Variants in MYO1D observed in about 807,000 individuals in gnomAD.
The protein encoded by MYO1D is unconventional myosin-Id.
In MYO1D, 83 loss-of-function variants were observed where a neutral mutation model predicts 122.0. The observed-to-expected ratio is 0.68, with a 90% CI of 0.57 to 0.82. The LOEUF (loss-of-function observed/expected upper bound fraction) is 0.82, where lower values mean the gene tolerates loss of function less well. Ranked by LOEUF, MYO1D falls within the 40% of genes least tolerant of loss-of-function variation. The pLI, the probability that MYO1D is intolerant of heterozygous loss-of-function variation, is 0.00. For missense variants in MYO1D, 1,157 were observed against 1,269.5 expected, an observed-to-expected ratio of 0.91 and a Z score of 1.35; for synonymous variants, 464 against 446.9, an observed-to-expected ratio of 1.04 and a Z score of -0.48.
At chr17:32,650,156 T>A (rs1017340458) in intron 19 of MYO1D, among the ~76,000 whole-genome samples, 1 of 152,204 alleles carries the variant, frequency 6.6e-6, no homozygotes, top group Non-Finnish European at 1.5e-5. Context: ...TCTGAAAAAG[T>A]CTTTATTTCA....
At chr17:32,851,199 C>T (rs989136832) in intron 1 of MYO1D, among the ~76,000 whole-genome samples, 2 of 152,130 alleles carry the variant, frequency 1.3e-5, no homozygotes, top group Non-Finnish European at 2.9e-5. Context: ...TCTCAGCCAA[C>T]ATCTTGCCTT....
chr17:32,804,882 A>G (rs1454695794), intron 1 of MYO1D, among the ~76,000 whole-genome samples: 3 of 152,082 alleles, frequency 2.0e-5, no homozygotes, highest in Non-Finnish European at 1.5e-5. Context: ...ATGCTATCAA[A>G]CTCACATGGT....
intron 21 of MYO1D, chr17:32,510,210 ATGCTGTT>A (rs1169663389): frequency 6.6e-6 from 1 of 152,218 alleles, no homozygotes; most frequent in African/African-American, 2.4e-5. Flanking sequence ...CCACCCTAAA[ATGCTGTT>A]CTAGCTCTTG....
chr17:32,689,070 C>T (rs77807645), intron 16 of MYO1D, among the ~76,000 whole-genome samples: 3,831 of 152,086 alleles, frequency 0.025, 129 homozygotes, highest in East Asian at 0.19. Context: ...ATATTATTCT[C>T]TTCTTTAAAT....
chr17:32,668,358 T>G (rs892401752), intron 16 of MYO1D, among the ~76,000 whole-genome samples: 5 of 152,230 alleles, frequency 3.3e-5, no homozygotes, highest in Non-Finnish European at 5.9e-5. Flanking sequence ...AGAGTACAGG[T>G]CAGGCTTTGA....
chr17:32,758,978 T>C (rs1254363033), intron 10 of MYO1D, among the ~76,000 whole-genome samples: 1 of 152,174 alleles, frequency 6.6e-6, no homozygotes, highest in Non-Finnish European at 1.5e-5. Context: ...ATATTCTGAT[T>C]GTGAAAGGAT....
intron 21 of MYO1D, among the ~76,000 whole-genome samples, chr17:32,601,777 C>A (rs1003306869): frequency 3.3e-5 from 5 of 152,132 alleles, no homozygotes; most frequent in Non-Finnish European, 7.4e-5. Context: ...TTTATAAAAA[C>A]CACAATATCT....
At chr17:32,498,375 C>T (rs1243317723) in intron 21 of MYO1D, 2 of 152,280 alleles carry the variant, frequency 1.3e-5, no homozygotes, top group Non-Finnish European at 2.9e-5. Context: ...AAGAGCCGGG[C>T]CTACGGGTGG....
chr17:32,669,972 C>A (rs549608667), intron 16 of MYO1D, among the ~76,000 whole-genome samples: 1 of 151,776 alleles, frequency 6.6e-6, no homozygotes, highest in South Asian at 2.1e-4. Context: ...TGGCTCACTG[C>A]AATCTCCATT....
chr17:32,749,556 C>G (rs1390529707), intron 11 of MYO1D, among the ~76,000 whole-genome samples: 1 of 152,112 alleles, frequency 6.6e-6, no homozygotes, highest in Non-Finnish European at 1.5e-5. Flanking sequence ...CATGGTGAAA[C>G]CCCGTCTCTA....
chr17:32,589,622 T>G (rs904085661), intron 21 of MYO1D, among the ~76,000 whole-genome samples: 2 of 152,128 alleles, frequency 1.3e-5, no homozygotes, highest in African/African-American at 4.8e-5. Flanking sequence ...CCTCCTCAAT[T>G]TAACATTTCC....
chr17:32,776,125 CAA>C, intron 3 of MYO1D, 96 bp from the exon 4 acceptor site: 2 of 1,059,478 alleles, frequency 1.9e-6, no homozygotes, highest in Non-Finnish European at 2.7e-6. Context: ...AATATTTATA[CAA>C]AGATGCTAAC....
intron 11 of MYO1D, among the ~76,000 whole-genome samples, chr17:32,755,133 A>G (rs1400092159): frequency 6.6e-6 from 1 of 152,246 alleles, no homozygotes; most frequent in African/African-American, 2.4e-5. Flanking sequence ...GCTATTTTCC[A>G]TGCCAGAATT....
intron 16 of MYO1D, among the ~76,000 whole-genome samples, chr17:32,697,024 G>T (rs1253784935): frequency 6.6e-6 from 1 of 152,118 alleles, no homozygotes; most frequent in Non-Finnish European, 1.5e-5. Context: ...TTAAGATTTT[G>T]GCAAACTTCT....
At chr17:32,804,749 T>C (rs2090494973) in intron 1 of MYO1D, among the ~76,000 whole-genome samples, 1 of 152,218 alleles carries the variant, frequency 6.6e-6, no homozygotes, top group South Asian at 2.1e-4. Flanking sequence ...TGTCTGTTGC[T>C]TGGTCTGTGA....
intron 16 of MYO1D, among the ~76,000 whole-genome samples, chr17:32,676,502 G>A (rs183779978): frequency 8.0e-4 from 122 of 152,056 alleles, no homozygotes; most frequent in Non-Finnish European, 1.5e-3. Flanking sequence ...TACTGGTTCA[G>A]GTCAATGAAA....
chr17:32,595,619 C>A (rs1567902319), intron 21 of MYO1D, among the ~76,000 whole-genome samples: 2 of 152,176 alleles, frequency 1.3e-5, no homozygotes, highest in East Asian at 3.9e-4. Context: ...AGCACCCTAC[C>A]GCGAGTGGGG....
At chr17:32,833,819 G>A (rs528380949) in intron 1 of MYO1D, among the ~76,000 whole-genome samples, 8 of 152,014 alleles carry the variant, frequency 5.3e-5, no homozygotes, top group Non-Finnish European at 8.8e-5. Flanking sequence ...AGCTGTCTGC[G>A]TGGTTCACCT....
intron 21 of MYO1D, among the ~76,000 whole-genome samples, chr17:32,561,146 A>G (rs2087121957): frequency 6.6e-6 from 1 of 151,774 alleles, no homozygotes; most frequent in East Asian, 1.9e-4. Context: ...TCCTGACCTC[A>G]GGTGATCCAC....
Sources: allele counts gnomAD v4.1 joint callset (sites outside exome capture counted in the v4.1 genomes callset), GRCh38; gene constraint gnomAD v4.1.1; transcripts MANE v1.5; gene names NCBI Gene and HGNC (gene_info 2026-07-23, HGNC 2026-07-21).